The following FAAP100 variants were observed in gnomAD, a reference collection of about 807,000 sequenced individuals.
FAAP100 encodes the protein Fanconi anemia core complex-associated protein 100.
FAAP100 carries 46 observed loss-of-function variants against 65.8 expected under a neutral mutation model. The observed-to-expected ratio is 0.70, with a 90% CI of 0.55 to 0.89. The LOEUF (loss-of-function observed/expected upper bound fraction) is 0.89, where lower values mean the gene tolerates loss of function less well. Among genes scored for constraint, FAAP100 ranks in the 40% least tolerant of loss-of-function variants. FAAP100 has a pLI of 0.00. For missense variants in FAAP100, 1,165 were observed against 1,196.7 expected (o/e 0.97, Z 0.39); for synonymous variants, 663 against 555.1 (o/e 1.19, Z -2.73).
In FAAP100 at chr17:81,540,906, C is replaced by T. The variant is rs774203767; in HGVS notation, c.2559G>A (p.Thr853=). The T allele has an allele frequency of 2.1e-4, 333 of 1,590,304 alleles. No homozygotes were observed. Among genetic ancestry groups the T allele is most frequent in the Non-Finnish European group, 2.5e-4 (291 of 1,172,762 alleles). ...EVQTLRDRLC[T]EDEASSCATA... ...TGGCACAGGAGCTGGCCTCATCCTCCGTGCAGAGCCGGTCGCGCAGGGTCT... is the reference window on the plus strand; with the variant it reads ...TGGCACAGGAGCTGGCCTCATCCTCTGTGCAGAGCCGGTCGCGCAGGGTCT... Residue 853 remains threonine, a synonymous_variant, in exon 9 of 9, where the codon ACG becomes ACA. Transcript: ENST00000327787.
At position 81,550,237 on chromosome 17, in the gene FAAP100, G is replaced by A. The variant is rs1394897738; in HGVS notation, c.1246+11C>T. Reference sequence around the variant, plus strand: ...GGGCTCCCATCTTTCATTTTAGACAGCAGCTCATACCTTCATGCGTCCTGG... The same window carrying A: ...GGGCTCCCATCTTTCATTTTAGACAACAGCTCATACCTTCATGCGTCCTGG... On this transcript the variant is annotated intron_variant, in intron 3 of 8. Transcript: ENST00000327787. The A allele has an allele frequency of 6.4e-7, 1 of 1,573,578 alleles. No homozygotes were observed. Among genetic ancestry groups the A allele is most frequent in the Non-Finnish European group, 8.6e-7 (1 of 1,156,392 alleles).
At position 81,540,736 on chromosome 17, in the gene FAAP100, G is replaced by A. The variant is rs1235182363; in HGVS notation, c.*83C>T. ...CTGACGGCTCTGGCCAGGCCAGCTCGGTTTCCCTCTAACCCATGAGGCCTG... is the reference window on the plus strand; with the variant it reads ...CTGACGGCTCTGGCCAGGCCAGCTCAGTTTCCCTCTAACCCATGAGGCCTG... On this transcript the variant is annotated 3_prime_UTR_variant, in exon 9 of 9. Transcript: ENST00000327787. The A allele has an allele frequency of 6.3e-5, 88 of 1,406,632 alleles. No homozygotes were observed. The East Asian group carries it at 1.0e-3, about 17-fold the overall frequency. The allele number at this position is 1,406,632 out of a possible 1,614,324, so 87.1% of individuals were successfully genotyped here.
At chr17:81,549,607 T>C (rs2033422574) in intron 3 of FAAP100, among the ~76,000 whole-genome samples, 1 of 152,182 alleles carries the variant, frequency 6.6e-6, no homozygotes. Context: ...CAGTCTGGCG[T>C]TTCCCTTCAA....
At chr17:81,544,160 T>C in intron 6 of FAAP100, 40 bp from the exon 7 acceptor site, 1 of 1,519,688 alleles carries the variant, frequency 6.6e-7, no homozygotes, top group Non-Finnish European at 9.1e-7. Flanking sequence ...CCTGTGGCAC[T>C]CCCACCTGCC....
chr17:81,541,214 G>T (rs2033081871), intron 8 of FAAP100, 95 bp downstream of exon 8: 6 of 1,355,238 alleles, frequency 4.4e-6, no homozygotes, highest in Non-Finnish European at 6.2e-6. Context: ...GCGCTGTGAG[G>T]ACTCTGCGGA....
At chr17:81,541,088 C>G in intron 8 of FAAP100, 138 bp from the exon 9 acceptor site, 1 of 1,250,512 alleles carries the variant, frequency 8.0e-7, no homozygotes, top group South Asian at 1.5e-5. Context: ...CATCCGGAAC[C>G]TTAAAACATG....
chr17:81,542,869 G>A (rs561282648), intron 7 of FAAP100, among the ~76,000 whole-genome samples: 10 of 152,316 alleles, frequency 6.6e-5, no homozygotes, highest in Non-Finnish European at 1.0e-4. Context: ...GGACTTTCTT[G>A]GGGACCAGAT....
chr17:81,551,738 C>T (rs2033502497), intron 2 of FAAP100, 190 bp downstream of exon 2: 11 of 1,356,562 alleles, frequency 8.1e-6, no homozygotes, highest in African/African-American at 1.5e-5. Context: ...TTACTAAGGA[C>T]TGTGAGCAAG....
At position 81,547,160 on chromosome 17, in the gene FAAP100, G is replaced by A. The variant is rs750365149; in HGVS notation, c.1922C>T (p.Pro641Leu). The stretch of plus-strand genomic sequence containing the variant: ...CATGTCCACTGTGTGCCTGCTCAGG[G>A]GCAGGCAAACACCCTCTTGCTCGGG... ...VLPEQEGVCL[P>L]LSRHTVDMLQ... Residue 641 changes from proline (P) to leucine (L), a missense_variant, in exon 5 of 9, where the codon CCC becomes CTC. Coordinates refer to ENST00000327787, the MANE Select transcript of FAAP100 (RefSeq NM_025161.6). 13 of 1,543,064 alleles carry A rather than the reference G, an allele frequency of 8.4e-6. No homozygotes were observed. The highest frequency in any genetic ancestry group is 1.4e-5 in the African/African-American group (1 of 73,066).
chr17:81,547,052 G>A lies in FAAP100; in HGVS notation c.2030C>T (p.Ala677Val), dbSNP rs774743717. ...CTCCCGACAAGTTTCCAGAAAAGTG[G>A]CCACAGGGTCTCGGGTGGGGCCGAG... ...SPLGPTRDPV[A>V]TFLETCREPG... Residue 677 changes from alanine to valine, a missense_variant, in exon 5 of 9, where the codon GCC becomes GTC. Coordinates refer to ENST00000327787, the MANE Select transcript of FAAP100 (RefSeq NM_025161.6). 1.7e-5 allele frequency: 26 copies of A among 1,559,344 alleles called. No homozygotes were observed. In the East Asian group the frequency reaches 5.6e-4, roughly 34 times the overall value.
chr17:81,546,953 A>G lies in FAAP100; in HGVS notation c.2129T>C (p.Val710Ala). Residue 710 changes from valine (V) to alanine (A), a missense_variant, in exon 5 of 9, where the codon GTG becomes GCG. By Grantham distance (64) the Val-to-Ala change is moderately conservative. Coordinates refer to ENST00000327787, the MANE Select transcript of FAAP100 (RefSeq NM_025161.6). ...GGCAGCTCTGAGCAGCTCCGCCGACACCTTGATGGAAGCCACAGATGGGGG... is the reference window on the plus strand; with the variant it reads ...GGCAGCTCTGAGCAGCTCCGCCGACGCCTTGATGGAAGCCACAGATGGGGG... ...YLPPSVASIK[V>A]SAELLRAALK... The G allele has an allele frequency of 6.8e-7, 1 of 1,462,580 alleles. No homozygotes were observed. Among genetic ancestry groups the G allele is most frequent in the Non-Finnish European group, 9.1e-7 (1 of 1,104,196 alleles). 90.6% of individuals were successfully genotyped at this position (1,462,580 alleles called of 1,614,324 possible). A position where few individuals can be genotyped will look rare whatever the true frequency, so the allele number is the denominator to read the frequency against.
At chr17:81,545,650 C>T (rs2033272082) in intron 6 of FAAP100, 96 bp downstream of exon 6, 3 of 1,451,014 alleles carry the variant, frequency 2.1e-6, no homozygotes, top group Admixed American at 2.4e-5. Context: ...CTGCCAGGCC[C>T]CCACCCAGGG....
intron 4 of FAAP100, 89 bp downstream of exon 4, chr17:81,549,117 C>T (rs969626111): frequency 1.4e-6 from 2 of 1,432,846 alleles, no homozygotes; most frequent in African/African-American, 1.5e-5. Flanking sequence ...CACCCGAGGA[C>T]ACTCACACCC....
chr17:81,549,129 G>A, intron 4 of FAAP100, 77 bp downstream of exon 4: 6 of 1,543,172 alleles, frequency 3.9e-6, no homozygotes, highest in Non-Finnish European at 5.2e-6. Context: ...CTCACACCCA[G>A]GACGACCCCA....
chr17:81,549,059 AAAAAAAAAAAAAAAG>A, intron 4 of FAAP100, 132 bp downstream of exon 4: 1 of 740,564 alleles, frequency 1.4e-6, no homozygotes, highest in Non-Finnish European at 2.0e-6. Context: ...AAAAAAAAAA[AAAAAAAAAAAAAAAG>A]AGGCCAAGTA....
chr17:81,548,202 G>A, intron 4 of FAAP100: 1 of 590,726 alleles, frequency 1.7e-6, no homozygotes, highest in South Asian at 2.1e-5. Context: ...AGGGGAGCAG[G>A]GGAGGCTGCG....
At chr17:81,546,814 A>G (rs563147390) in intron 5 of FAAP100, 95 bp downstream of exon 5, 2 of 1,237,936 alleles carry the variant, frequency 1.6e-6, no homozygotes, top group Non-Finnish European at 2.1e-6. Flanking sequence ...TGATTGCACC[A>G]CTGCACTCCA....
chr17:81,541,463 G>T, intron 7 of FAAP100, 68 bp from the exon 8 acceptor site: 5 of 1,375,016 alleles, frequency 3.6e-6, no homozygotes, highest in Non-Finnish European at 5.1e-6. Flanking sequence ...CCTTGGAGCA[G>T]GGTGACCCTC....
rs1467285913 is a variant in FAAP100 at position 81,547,108 on chromosome 17, C to T, written c.1974G>A (p.Leu658=). ...AGGGGGCCCGTGTGTGTGGCGGGGCCAGGCCAGGGAAGCGCAGACACTGCA... is the reference window on the plus strand; with the variant it reads ...AGGGGGCCCGTGTGTGTGGCGGGGCTAGGCCAGGGAAGCGCAGACACTGCA... ...DMLQCLRFPG[L]APPHTRAPSP... is the part of the protein sequence containing the mutation. Residue 658 remains leucine (L), a synonymous_variant, in exon 5 of 9, where the codon CTG becomes CTA. Transcript: ENST00000327787. The T allele has an allele frequency of 2.0e-6, 3 of 1,522,458 alleles. No homozygotes were observed. The Admixed American group carries it at 6.5e-5, about 33-fold the overall frequency. 94.3% of individuals were successfully genotyped at this position (1,522,458 alleles called of 1,614,324 possible). A position where few individuals can be genotyped will look rare whatever the true frequency, so the allele number is the denominator to read the frequency against.
Sources: gnomAD v4.1 joint callset for allele counts (sites outside exome capture counted in the v4.1 genomes callset) on GRCh38, gnomAD v4.1.1 for gene constraint, MANE v1.5 for transcripts, NCBI Gene and HGNC (gene_info 2026-07-23, HGNC 2026-07-21) for gene names.